AMDHD2: variants seen among roughly 807,000 people sequenced by gnomAD.
The protein encoded by AMDHD2 is N-acetylglucosamine-6-phosphate deacetylase.
AMDHD2 carries 24 observed loss-of-function variants against 41.8 expected under a neutral mutation model. The observed-to-expected ratio is 0.57, with a 90% confidence interval of 0.42 to 0.81. AMDHD2 has a LOEUF of 0.81. AMDHD2 is among the 30% of genes least tolerant of loss of function. AMDHD2 has a pLI of 0.00. For missense variants in AMDHD2, 540 were observed against 588.5 expected (o/e 0.92, Z 0.85); for synonymous variants, 332 against 255.5 (o/e 1.30, Z -2.85).
intron 3 of AMDHD2, among the ~76,000 whole-genome samples, chr16:2,524,426 A>T (rs1050251115): frequency 6.6e-6 from 1 of 151,906 alleles, no homozygotes; most frequent in African/African-American, 2.4e-5. Context: ...GGCCCCGCAC[A>T]CCCTCTACAC....
At position 2,530,510 on chromosome 16, in the gene AMDHD2, G is replaced by C; in HGVS notation, c.*947G>C. ...ACGTCAGGGATTGGTGCAGCCCCAC[G>C]TCAGGGGTGATTGTCTTGACTTTCT... On this transcript the variant is annotated 3_prime_UTR_variant, in exon 11 of 11. Transcript: ENST00000293971. 6.2e-7 allele frequency: 1 copy of C among 1,614,162 alleles called. No individual in the cohort carries two copies. The highest frequency in any genetic ancestry group is 8.5e-7 in the Non-Finnish European group (1 of 1,179,998).
rs558074176 is a variant in AMDHD2 at position 2,529,886 on chromosome 16, G to T, written c.*323G>T. On this transcript the variant is annotated 3_prime_UTR_variant, in exon 11 of 11. Transcript: ENST00000293971. Reference sequence around the variant, plus strand: ...GGGGGACAGGGCCTGTCTGCATGAAGTGGACCGGAGACCTGCAGACCCCAG... The same window carrying T: ...GGGGGACAGGGCCTGTCTGCATGAATTGGACCGGAGACCTGCAGACCCCAG... 114 of 1,192,352 alleles carry T rather than the reference G, an allele frequency of 9.6e-5. No individual in the cohort carries two copies. In the African/African-American group the frequency reaches 1.4e-3, roughly 15 times the overall value. 73.9% of individuals were successfully genotyped at this position (1,192,352 alleles called of 1,614,324 possible).
chr16:2,520,951 C>G, intron 2 of AMDHD2, 33 bp from the exon 3 acceptor site: 5 of 1,596,430 alleles, frequency 3.1e-6, no homozygotes, highest in Non-Finnish European at 4.3e-6. Context: ...GAGCTCTGAG[C>G]TCCATGCGAC....
Position 2,529,476 on chromosome 16 carries a change from C to G in AMDHD2, c.1143C>G (p.Asp381Glu), listed in dbSNP as rs1335694636. The G allele has an allele frequency of 6.2e-7, 1 of 1,610,454 alleles. No homozygotes were observed. ...ACTCATTGCCCGGCTCTGTCCCAGA[C>G]TTCGTGGTGCTCGACGACTCCCTTC... Reference protein sequence around the residue: ...KGTLDFGADADFVVLDDSLHV... With the variant: ...KGTLDFGADAEFVVLDDSLHV... The change falls in exon 11 of 11, where the codon GAC becomes GAG. Residue 381 changes from aspartate to glutamate, a missense_variant and splice_region_variant. Asp to Glu is a conservative substitution (Grantham distance 45). Transcript: ENST00000293971.
rs1396054661 is a variant in AMDHD2 at position 2,527,576 on chromosome 16, C to T, written c.376C>T (p.Pro126Ser). ...TTCCCCCCAGGTTGTTCCTCAGATCCCTGTGAAGAGTGGTGGTCCCCATGG... is the reference window on the plus strand; with the variant it reads ...TTCCCCCCAGGTTGTTCCTCAGATCTCTGTGAAGAGTGGTGGTCCCCATGG... Reference protein sequence around the residue: ...EVYHKVVPQIPVKSGGPHGAG... With the variant: ...EVYHKVVPQISVKSGGPHGAG... The change falls in exon 4 of 11, where the codon CCT becomes TCT. Residue 126 changes from proline (P) to serine (S), a missense_variant. Transcript: ENST00000293971. This position sits in a 1 kb window ranked among gnomAD's most constrained non-coding sequence, Gnocchi z 6.1. 1.2e-6 allele frequency: 2 copies of T among 1,613,148 alleles called. No individual in the cohort carries two copies. The highest frequency in any genetic ancestry group is 1.7e-6 in the Non-Finnish European group (2 of 1,179,684).
At chr16:2,529,281 A>G (rs954153330) in intron 10 of AMDHD2, 186 bp downstream of exon 10, 6 of 1,072,704 alleles carry the variant, frequency 5.6e-6, no homozygotes, top group Non-Finnish European at 7.9e-6. Flanking sequence ...CTGGTGTTGC[A>G]GACAAGGCCA....
In AMDHD2 at chr16:2,530,379, C is replaced by A. The variant is rs369689531; in HGVS notation, c.*816C>A. The A allele has an allele frequency of 1.8e-4, 294 of 1,613,872 alleles. No individual in the cohort carries two copies. Among genetic ancestry groups the A allele is most frequent in the Non-Finnish European group, 2.5e-4 (292 of 1,180,004 alleles). ...ATCTTCTGTGTCCCCTTGGCCCTGG[C>A]ACACACCCATGTGGCAAACACGGGC... On this transcript the variant is annotated 3_prime_UTR_variant, in exon 11 of 11. Transcript: ENST00000293971.
rs549135607 is a variant in AMDHD2, at chr16:2,529,574, G to A, written c.*11G>A. 27 of 1,606,062 alleles carry A rather than the reference G, an allele frequency of 1.7e-5. No homozygotes were observed. The highest frequency in any genetic ancestry group is 2.2e-5 in the East Asian group (1 of 44,870). The stretch of plus-strand genomic sequence containing the variant: ...GCAGCTAGGCAGTGACAAGGACCTC[G>A]GCTGAGAGGACACCTGGCCGCAGCG... On this transcript the variant is annotated 3_prime_UTR_variant, in exon 11 of 11. Coordinates refer to ENST00000293971, the MANE Select transcript of AMDHD2 (RefSeq NM_001330449.2).
Position 2,531,015 on chromosome 16 carries a change from T to G in AMDHD2, c.*1452T>G. The G allele has an allele frequency of 6.2e-7, 1 of 1,607,390 alleles. No homozygotes were observed. Among genetic ancestry groups the G allele is most frequent in the Non-Finnish European group, 8.5e-7 (1 of 1,175,070 alleles). ...GCAGGTGAGGTTCTCAGCCGATGTG[T>G]TAGAGGTTGAGCATCGCCTGTGCCC... On this transcript the variant is annotated 3_prime_UTR_variant, in exon 11 of 11. Coordinates refer to ENST00000293971, the MANE Select transcript of AMDHD2 (RefSeq NM_001330449.2).
At chr16:2,520,564 GGGGCTGGGGACC>G (rs1392181598) in intron 1 of AMDHD2, 23 bp downstream of exon 1, 21 of 1,225,126 alleles carry the variant, frequency 1.7e-5, no homozygotes, top group South Asian at 4.0e-5. Context: ...CGGGGACTGC[GGGGCTGGGGACC>G]GGGCGGGGTG....
Position 2,530,783 on chromosome 16 carries a change from A to G in AMDHD2, c.*1220A>G. ...GAGGGAGGGCCTGGGGCAGGGCACAAGGGGTTGATCTCAGCCCACAAGCCC... is the reference window on the plus strand; with the variant it reads ...GAGGGAGGGCCTGGGGCAGGGCACAGGGGGTTGATCTCAGCCCACAAGCCC... On this transcript the variant is annotated 3_prime_UTR_variant, in exon 11 of 11. Coordinates refer to ENST00000293971, the MANE Select transcript of AMDHD2 (RefSeq NM_001330449.2). The G allele has an allele frequency of 6.2e-7, 1 of 1,613,678 alleles. No individual in the cohort carries two copies. Among genetic ancestry groups the G allele is most frequent in the South Asian group, 1.1e-5 (1 of 91,086 alleles).
Position 2,528,510 on chromosome 16 carries a change from G to T in AMDHD2, c.921G>T (p.Thr307=). ...TGGGCCTGGGCAACGGCCGGCACAC[G>T]CTGGGACAGCAGGAAGTGGAAGTGG... ...PALGLGNGRH[T]LGQQEVEVDG... is the part of the protein sequence containing the mutation. The change falls in exon 8 of 11, where the codon ACG becomes ACT. Residue 307 remains threonine, a synonymous_variant. Transcript: ENST00000293971. The T allele has an allele frequency of 6.2e-7, 1 of 1,612,852 alleles. No homozygotes were observed. Among genetic ancestry groups the T allele is most frequent in the Non-Finnish European group, 8.5e-7 (1 of 1,179,930 alleles).
intron 2 of AMDHD2, 38 bp from the exon 3 acceptor site, chr16:2,520,946 C>T (rs1444760023): frequency 1.9e-6 from 3 of 1,598,566 alleles, no homozygotes; most frequent in East Asian, 2.3e-5. Context: ...GGGAGGAGCT[C>T]TGAGCTCCAT....
Position 2,529,505 on chromosome 16 carries a change from T to C in AMDHD2, c.1172T>C (p.Val391Ala). 6.2e-7 allele frequency: 1 copy of C among 1,611,842 alleles called. No homozygotes were observed. The highest frequency in any genetic ancestry group is 8.5e-7 in the Non-Finnish European group (1 of 1,179,956). Reference sequence around the variant, plus strand: ...GTGGTGCTCGACGACTCCCTTCACGTCCAGGCCACCTACATCTCGGGTGAG... The same window carrying C: ...GTGGTGCTCGACGACTCCCTTCACGCCCAGGCCACCTACATCTCGGGTGAG... ...DFVVLDDSLH[V>A]QATYISGELV... The change falls in exon 11 of 11, where the codon GTC becomes GCC. Residue 391 changes from valine (V) to alanine (A), a missense_variant. Transcript: ENST00000293971.
intron 3 of AMDHD2, among the ~76,000 whole-genome samples, chr16:2,522,031 G>T (rs937989117): frequency 4.6e-5 from 7 of 152,104 alleles, no homozygotes; most frequent in East Asian, 1.9e-4. Context: ...TGATCCGCCC[G>T]CCTTGGCCTC....
At position 2,528,364 on chromosome 16, in the gene AMDHD2, C is replaced by T. The variant is rs558221132; in HGVS notation, c.846C>T (p.His282=). ...HTNPAALRIA[H]RAHPQGLVLV... The stretch of plus-strand genomic sequence containing the variant: ...ACCCCGCCGCCCTGCGGATCGCCCA[C>T]CGTGCCCATCCCCAGGGTAAGCTGC... Residue 282 remains histidine (H), a synonymous_variant, in exon 7 of 11, where the codon CAC becomes CAT. Coordinates refer to ENST00000293971, the MANE Select transcript of AMDHD2 (RefSeq NM_001330449.2). The T allele has an allele frequency of 3.7e-6, 6 of 1,612,934 alleles. No individual in the cohort carries two copies. In the East Asian group the frequency reaches 1.3e-4, roughly 36 times the overall value.
chr16:2,530,510 G>A lies in AMDHD2; in HGVS notation c.*947G>A. 3.1e-6 allele frequency: 5 copies of A among 1,614,162 alleles called. No individual in the cohort carries two copies. Among genetic ancestry groups the A allele is most frequent in the Admixed American group, 1.7e-5 (1 of 60,028 alleles). ...ACGTCAGGGATTGGTGCAGCCCCAC[G>A]TCAGGGGTGATTGTCTTGACTTTCT... On this transcript the variant is annotated 3_prime_UTR_variant, in exon 11 of 11. Coordinates refer to ENST00000293971, the MANE Select transcript of AMDHD2 (RefSeq NM_001330449.2).
rs779553383 is a variant in AMDHD2, at chr16:2,530,793, C to G, written c.*1230C>G. On this transcript the variant is annotated 3_prime_UTR_variant, in exon 11 of 11. Coordinates refer to ENST00000293971, the MANE Select transcript of AMDHD2 (RefSeq NM_001330449.2). ...CTGGGGCAGGGCACAAGGGGTTGAT[C>G]TCAGCCCACAAGCCCCAGGGGCAGC... 6.2e-7 allele frequency: 1 copy of G among 1,613,680 alleles called. No individual in the cohort carries two copies. Among genetic ancestry groups the G allele is most frequent in the Non-Finnish European group, 8.5e-7 (1 of 1,179,966 alleles).
At chr16:2,524,687 T>C (rs1384660828) in intron 3 of AMDHD2, among the ~76,000 whole-genome samples, 1 of 152,064 alleles carries the variant, frequency 6.6e-6, no homozygotes, top group Non-Finnish European at 1.5e-5. Context: ...CTAGGGACAA[T>C]CACTTTCAAC....
Sources: allele counts gnomAD v4.1 joint callset (sites outside exome capture counted in the v4.1 genomes callset), GRCh38; gene constraint gnomAD v4.1.1; non-coding constraint Gnocchi (gnomAD v3.1); transcripts MANE v1.5; gene names NCBI Gene and HGNC (gene_info 2026-07-23, HGNC 2026-07-21).